GRIN2C: variants seen among roughly 807,000 people sequenced by gnomAD.
GRIN2C encodes the protein glutamate receptor ionotropic, NMDA 2C.
Under a neutral mutation model 77.7 loss-of-function variants are expected in GRIN2C, and 64 were observed. The ratio of observed to expected loss-of-function variants is 0.82; its 90% confidence interval spans 0.67 to 1.01. GRIN2C has a LOEUF of 1.01. Ranked by LOEUF, GRIN2C falls within the 50% of genes least tolerant of loss-of-function variation. The pLI is 0.00. For missense variants in GRIN2C, 1,549 were observed against 1,486.0 expected (o/e 1.04, Z -0.70); for synonymous variants, 792 against 643.4 (o/e 1.23, Z -3.49).
intron 1 of GRIN2C, among the ~76,000 whole-genome samples, chr17:74,855,676 T>C (rs1259994037): frequency 6.6e-6 from 1 of 152,216 alleles, no homozygotes; most frequent in Non-Finnish European, 1.5e-5. Flanking sequence ...AAGACAGCTC[T>C]TGCATCACCC....
In GRIN2C at chr17:74,843,208, G is replaced by A. The variant is rs1027843507; in HGVS notation, c.2929C>T (p.Pro977Ser). ...CCCGGCGTCGGGGGGCGGCCCGGGG[G>A]CTGCGGAGCCCTGCGCACAAGCGCC... ...RAALVRRAPQ[P>S]PGRPPTPGPP... Residue 977 changes from proline (P) to serine (S), a missense_variant, in exon 13 of 13, where the codon CCC becomes TCC. Physicochemically the swap from Pro to Ser is moderately conservative, Grantham distance 74. Transcript: ENST00000293190. 3 of 459,952 alleles carry A rather than the reference G, an allele frequency of 6.5e-6. No individual in the cohort carries two copies. The East Asian group carries it at 1.1e-4, about 17-fold the overall frequency. The allele number at this position is 459,952 out of a possible 1,614,324, so 28.5% of individuals were successfully genotyped here.
At chr17:74,852,862 T>C in intron 2 of GRIN2C, 1 of 396,148 alleles carries the variant, frequency 2.5e-6, no homozygotes, top group South Asian at 1.1e-4. Flanking sequence ...ACTGGGGAGT[T>C]TGTCAGAAAT....
Position 74,852,296 on chromosome 17 carries a change from C to G in GRIN2C, c.715G>C (p.Glu239Gln), listed in dbSNP as rs975868164. ...SREEAEVLFA[E>Q]AAQAGLVGPG... ...CCCACCAGACCGGCCTGCGCCGCCT[C>G]GGCGAAGAGCACCTCGGCCTCCTCG... Residue 239 changes from glutamate to glutamine, a missense_variant, in exon 3 of 13, where the codon GAG becomes CAG. Physicochemically the swap from Glu to Gln is conservative, Grantham distance 29. Coordinates refer to ENST00000293190, the MANE Select transcript of GRIN2C (RefSeq NM_000835.6). The G allele has an allele frequency of 2.1e-6, 3 of 1,426,682 alleles. No homozygotes were observed. The highest frequency in any genetic ancestry group is 1.4e-5 in the South Asian group (1 of 70,064). 88.4% of individuals were successfully genotyped at this position (1,426,682 alleles called of 1,614,324 possible).
intron 1 of GRIN2C, 64 bp from the exon 2 acceptor site, chr17:74,855,171 G>C: frequency 7.7e-7 from 1 of 1,293,542 alleles, no homozygotes; most frequent in East Asian, 2.4e-5. Context: ...CAGATGGACA[G>C]ACAGGAGGGA....
rs2037580273 is a variant in GRIN2C at position 74,849,913 on chromosome 17, G to A, written c.1512C>T (p.Asp504=). 4 of 1,613,396 alleles carry A rather than the reference G, an allele frequency of 2.5e-6. No individual in the cohort carries two copies. The highest frequency in any genetic ancestry group is 1.1e-5 in the South Asian group (1 of 91,016). Residue 504 remains aspartate, a synonymous_variant, in exon 7 of 13, where the codon GAC becomes GAT. Coordinates refer to ENST00000293190, the MANE Select transcript of GRIN2C (RefSeq NM_000835.6). This position sits in a 1 kb window ranked among gnomAD's most constrained non-coding sequence, Gnocchi z 4.6. ...TGATGGTGAGGGAGCCGATGGCCAT[G>A]TCTGCCCGCTTGTAGTACACCTGGG... ...MIGEVYYKRA[D]MAIGSLTINE...
chr17:74,848,073 G>T, intron 7 of GRIN2C, 96 bp from the exon 8 acceptor site: 1 of 1,390,484 alleles, frequency 7.2e-7, no homozygotes, highest in Middle Eastern at 1.9e-4. Flanking sequence ...CGTGATCAAA[G>T]TAGGGGCCCA....
Position 74,849,510 on chromosome 17 carries a change from C to T in GRIN2C, c.1645+270G>A, listed in dbSNP as rs1381569537. On this transcript the variant is annotated intron_variant, in intron 7 of 12. Transcript: ENST00000293190. The surrounding 1 kb of genome is among the most constrained non-coding windows in gnomAD (Gnocchi z 4.6). ...CATGGCCCATCCTGAGGCGAGCCTG[C>T]CTGCTGGATTTTCCTGCCACTCACA... 2.6e-5 allele frequency among the ~76,000 whole-genome samples: 4 copies of T among 152,196 alleles called. No individual in the cohort carries two copies. The highest frequency in any genetic ancestry group is 5.9e-5 in the Non-Finnish European group (4 of 68,012).
chr17:74,847,567 G>A lies in GRIN2C; in HGVS notation c.1772-30C>T. 2 of 1,473,344 alleles carry A rather than the reference G, an allele frequency of 1.4e-6. No homozygotes were observed. The highest frequency in any genetic ancestry group is 1.9e-6 in the Non-Finnish European group (2 of 1,062,566). The allele number at this position is 1,473,344 out of a possible 1,614,324, so 91.3% of individuals were successfully genotyped here. A position where few individuals can be genotyped will look rare whatever the true frequency, so the allele number is the denominator to read the frequency against. The stretch of plus-strand genomic sequence containing the variant: ...GGGCAAGAGGCGGGGGGATGCTGGA[G>A]CTCCTCCTGCCCACCATGAAAGGGC... On this transcript the variant is annotated intron_variant, in intron 8 of 12. Transcript: ENST00000293190. The surrounding 1 kb of genome is among the most constrained non-coding windows in gnomAD (Gnocchi z 5.2).
chr17:74,854,290 G>C (rs2037747802), intron 2 of GRIN2C: 1 of 173,488 alleles, frequency 5.8e-6, no homozygotes, highest in Admixed American at 6.2e-5. Context: ...GCCTCCCCCA[G>C]GGCTCCCAGG....
In GRIN2C at chr17:74,842,669, G is replaced by T. The variant is rs1315958822; in HGVS notation, c.3468C>A (p.His1156Gln). ...RQHVCLHAHA[H>Q]LPFCWGAVCP... ...AGACAGCCCCCCAGCAAAATGGCAG[G>T]TGGGCGTGGGCGTGCAGGCAGACGT... Residue 1156 changes from histidine (H) to glutamine (Q), a missense_variant, in exon 13 of 13, where the codon CAC (histidine) becomes CAA (glutamine). His to Gln is a conservative substitution (Grantham distance 24). This residue lies in a region of GRIN2C where 450 missense variants were observed against 267.9 expected (regional missense o/e 1.68). Transcript: ENST00000293190. 1 of 735,714 alleles carries T rather than the reference G, an allele frequency of 1.4e-6. No individual in the cohort carries two copies. Among genetic ancestry groups the T allele is most frequent in the Admixed American group, 1.9e-5 (1 of 52,474 alleles). 45.6% of individuals were successfully genotyped at this position (735,714 alleles called of 1,614,324 possible). A position where few individuals can be genotyped will look rare whatever the true frequency, so the allele number is the denominator to read the frequency against.
intron 7 of GRIN2C, among the ~76,000 whole-genome samples, chr17:74,848,942 A>G (rs1185727175): frequency 6.6e-6 from 1 of 151,786 alleles, no homozygotes; most frequent in Admixed American, 6.6e-5. Flanking sequence ...ACTTGAGCCC[A>G]GGAGTTTCCA....
Position 74,847,451 on chromosome 17 carries a change from G to A in GRIN2C, c.1858C>T (p.Pro620Ser), listed in dbSNP as rs754407848. Residue 620 changes from proline (P) to serine (S), a missense_variant, in exon 9 of 13, where the codon CCG becomes TCG. This residue lies in a region of GRIN2C where 717 missense variants were observed against 858.1 expected (regional missense o/e 0.84). Coordinates refer to ENST00000293190, the MANE Select transcript of GRIN2C (RefSeq NM_000835.6). This position sits in a 1 kb window ranked among gnomAD's most constrained non-coding sequence, Gnocchi z 5.2. ...ATGATCTTGCTGGTGGTGCCCCGCG[G>A]GTTCTCGATGGGCACTGAGTTGTTG... ...VFNNSVPIEN[P>S]RGTTSKIMVL... The A allele has an allele frequency of 6.2e-7, 1 of 1,613,980 alleles. No individual in the cohort carries two copies. Among genetic ancestry groups the A allele is most frequent in the Non-Finnish European group, 8.5e-7 (1 of 1,179,852 alleles).
chr17:74,844,390 C>A lies in GRIN2C; in HGVS notation c.2469G>T (p.Leu823=). Residue 823 remains leucine, a synonymous_variant, in exon 12 of 13, where the codon CTG becomes CTT. Coordinates refer to ENST00000293190, the MANE Select transcript of GRIN2C (RefSeq NM_000835.6). The part of the protein sequence containing the change: ...DNMAGVFYML[L]VAMGLALLVF... The stretch of plus-strand genomic sequence containing the variant: ...CCAGCAGGGCCAGCCCCATGGCCAC[C>A]AGCAGCATGTAGAAGACGCCTGCCA... The A allele has an allele frequency of 6.2e-7, 1 of 1,614,182 alleles. No homozygotes were observed. Among genetic ancestry groups the A allele is most frequent in the Non-Finnish European group, 8.5e-7 (1 of 1,180,036 alleles).
rs925515965 is a variant in GRIN2C at position 74,844,497 on chromosome 17, T to G, written c.2362A>C (p.Lys788Gln). Residue 788 changes from lysine (K) to glutamine (Q), a missense_variant, in exon 12 of 13, where the codon AAA becomes CAA. By Grantham distance (53) the Lys-to-Gln change is moderately conservative. This residue lies in a region of GRIN2C where 717 missense variants were observed against 858.1 expected (regional missense o/e 0.84). Coordinates refer to ENST00000293190, the MANE Select transcript of GRIN2C (RefSeq NM_000835.6). Reference protein sequence around the residue: ...LQFLGDGETQKLETVWLSGIC... With the variant: ...LQFLGDGETQQLETVWLSGIC... ...CCTGAGAGCCACACTGTCTCCAGTT[T>G]CTGTGTCTCTCCTGGAGTTGGGGGG... 1.9e-6 allele frequency: 3 copies of G among 1,613,920 alleles called. No individual in the cohort carries two copies. The highest frequency in any genetic ancestry group is 2.5e-6 in the Non-Finnish European group (3 of 1,179,908).
Position 74,843,024 on chromosome 17 carries a change from G to C in GRIN2C, c.3113C>G (p.Ser1038Cys). 3 of 492,544 alleles carry C rather than the reference G, an allele frequency of 6.1e-6. No individual in the cohort carries two copies. In the East Asian group the frequency reaches 1.1e-4, roughly 17 times the overall value. The allele number at this position is 492,544 out of a possible 1,614,324, so 30.5% of individuals were successfully genotyped here. A position where few individuals can be genotyped will look rare whatever the true frequency, so the allele number is the denominator to read the frequency against. ...GAAGAGCGGGAGGAAGGGGCGGCCG[G>C]ATCGGTCGGCTCGAGGAAAGGAGCT... Reference protein sequence around the residue: ...HYSSFPRADRSGRPFLPLFPE... With the variant: ...HYSSFPRADRCGRPFLPLFPE... Residue 1038 changes from serine (S) to cysteine (C), a missense_variant, in exon 13 of 13, where the codon TCC becomes TGC. By Grantham distance (112) the Ser-to-Cys change is moderately radical. Coordinates refer to ENST00000293190, the MANE Select transcript of GRIN2C (RefSeq NM_000835.6).
chr17:74,857,950 C>T (rs539572527), intron 1 of GRIN2C, among the ~76,000 whole-genome samples: 7 of 152,216 alleles, frequency 4.6e-5, no homozygotes, highest in South Asian at 2.1e-4. Context: ...TTAAAATTAA[C>T]GTCACCTGTT....
intron 1 of GRIN2C, among the ~76,000 whole-genome samples, chr17:74,855,488 T>C (rs2037795692): frequency 6.6e-6 from 1 of 152,234 alleles, no homozygotes; most frequent in Non-Finnish European, 1.5e-5. Context: ...TCTGAGTTCG[T>C]GTCCCAGTTC....
rs1811677361 is a variant in GRIN2C at position 74,847,794 on chromosome 17, A to G, written c.1771+58T>C. On this transcript the variant is annotated intron_variant, in intron 8 of 12. Transcript: ENST00000293190. This position sits in a 1 kb window ranked among gnomAD's most constrained non-coding sequence, Gnocchi z 5.2. ...TTCTCTGAAGGACCCGTTGCCCCTG[A>G]GCCCAGCCCTCAGGGTGCCCAGGCC... The G allele has an allele frequency of 6.3e-7, 1 of 1,597,486 alleles. No individual in the cohort carries two copies. Among genetic ancestry groups the G allele is most frequent in the Admixed American group, 1.7e-5 (1 of 59,394 alleles).
Position 74,846,692 on chromosome 17 carries a change from T to G in GRIN2C, c.2162+68A>C. ...CAGCCCAGTCCCACTGTCCCCACAT[T>G]GAGAGCTAAGGCTGGTCACTGGGGA... On this transcript the variant is annotated intron_variant, in intron 10 of 12. Transcript: ENST00000293190. The surrounding 1 kb of genome is among the most constrained non-coding windows in gnomAD (Gnocchi z 4.4). The G allele has an allele frequency of 3.9e-4, 577 of 1,489,468 alleles. No individual in the cohort carries two copies. Among genetic ancestry groups the G allele is most frequent in the Non-Finnish European group, 4.8e-4 (521 of 1,083,544 alleles). The allele number at this position is 1,489,468 out of a possible 1,614,324, so 92.3% of individuals were successfully genotyped here.
Sources: gnomAD v4.1 joint callset for allele counts (sites outside exome capture counted in the v4.1 genomes callset) on GRCh38, gnomAD v4.1.1 for gene constraint, gnomAD v4.1.1 regional missense constraint, Gnocchi (gnomAD v3.1) non-coding constraint, MANE v1.5 for transcripts, NCBI Gene and HGNC (gene_info 2026-07-23, HGNC 2026-07-21) for gene names.